ABCC1: variants seen among roughly 807,000 people sequenced by gnomAD.
ABCC1 encodes ATP binding cassette subfamily C member 1 (ABCC1 blood group).
A neutral mutation model predicts 172.9 loss-of-function variants in ABCC1; 83 were observed. That is an observed-to-expected ratio of 0.48 (90% CI 0.40 to 0.58). The LOEUF (loss-of-function observed/expected upper bound fraction) is 0.58, where lower values mean the gene tolerates loss of function less well. ABCC1 is among the 20% of genes least tolerant of loss of function. The pLI is 0.00. For synonymous variants in ABCC1, 937 were observed against 825.2 expected, an observed-to-expected ratio of 1.14 and a Z score of -2.32; for missense variants, 1,817 against 2,002.7, an observed-to-expected ratio of 0.91 and a Z score of 1.77.
chr16:16,130,877 C>CTT (rs2045647866), intron 26 of ABCC1, among the ~76,000 whole-genome samples: 1 of 152,174 alleles, frequency 6.6e-6, no homozygotes, highest in East Asian at 1.9e-4. Flanking sequence ...AATCCCAGCA[C>CTT]TTTGGGAGGT....
At position 15,990,739 on chromosome 16, in the gene ABCC1, T is replaced by A. The variant is rs959341573; in HGVS notation, c.49-17077T>A. 4.6e-5 allele frequency among the ~76,000 whole-genome samples: 7 copies of A among 151,512 alleles called. 1 individual carries two copies. The highest frequency in any genetic ancestry group is 1.0e-4 in the Non-Finnish European group (7 of 67,942). On this transcript the variant is annotated intron_variant, in intron 1 of 30. Transcript: ENST00000399410. Reference sequence around the variant, plus strand: ...ATCTCGGCTCACTGCAAGCTCCGCCTCCTGGGTTCACGCCATCCTCCTGCC... The same window carrying A: ...ATCTCGGCTCACTGCAAGCTCCGCCACCTGGGTTCACGCCATCCTCCTGCC...
chr16:16,055,827 C>T (rs1231418702), intron 11 of ABCC1, among the ~76,000 whole-genome samples: 3 of 151,006 alleles, frequency 2.0e-5, no homozygotes, highest in Non-Finnish European at 4.4e-5. Context: ...GCTCTCCCAC[C>T]CTCAGGAGGC....
At chr16:16,111,304 G>C (rs4238623) in intron 21 of ABCC1, 71 bp from the exon 22 acceptor site, 1 of 1,330,552 alleles carries the variant, frequency 7.5e-7, no homozygotes, top group Non-Finnish European at 1.1e-6. Flanking sequence ...TGAAGCCCCC[G>C]ACCTTGTGGG....
chr16:16,112,251 A>T (rs1447400499), intron 22 of ABCC1, among the ~76,000 whole-genome samples: 2 of 152,062 alleles, frequency 1.3e-5, no homozygotes, highest in South Asian at 2.1e-4. Context: ...GGTCTCAGCT[A>T]CTTGGGCAGC....
chr16:16,073,845 A>G (rs1467758050), intron 14 of ABCC1, among the ~76,000 whole-genome samples: 4 of 152,228 alleles, frequency 2.6e-5, no homozygotes, highest in Non-Finnish European at 5.9e-5. Context: ...ATTCAAACCC[A>G]TACAGTCTGG....
chr16:16,131,506 C>T (rs375870856), intron 26 of ABCC1, among the ~76,000 whole-genome samples: 57 of 152,240 alleles, frequency 3.7e-4, no homozygotes, highest in Middle Eastern at 6.8e-3. Flanking sequence ...CTCAAGCATG[C>T]GAGCCCCAAG....
Position 16,134,384 on chromosome 16 carries a change from C to A in ABCC1, c.4001C>A (p.Ser1334Ter). ...GIVGRTGAGK[S>*]SLTLGLFRIN... ...GTGGGGCGGACGGGAGCTGGGAAGT[C>A]GTCCCTGACCCTGGGCTTATTTCGG... Residue 1334 changes from serine to a stop codon, truncating the protein, a stop_gained, in exon 28 of 31, where the codon TCG becomes TAG. Transcript: ENST00000399410. LOFTEE classifies it high-confidence loss of function. 1 of 1,614,104 alleles carries A rather than the reference C, an allele frequency of 6.2e-7. No homozygotes were observed. The highest frequency in any genetic ancestry group is 8.5e-7 in the Non-Finnish European group (1 of 1,180,022).
rs536456564 is a variant in ABCC1 at position 16,017,880 on chromosome 16, C to A, written c.615+1259C>A. 7.0e-4 allele frequency among the ~76,000 whole-genome samples: 107 copies of A among 152,054 alleles called. 1 individual carries two copies. The highest frequency in any genetic ancestry group is 2.2e-3 in the African/African-American group (93 of 41,472). ...ACACCTAGAGGAAGAGTGTTCCAGG[C>A]AGAGGGGAATAAGTACAAGGGCCCT... On this transcript the variant is annotated intron_variant, in intron 5 of 30. Transcript: ENST00000399410.
At chr16:16,102,373 C>G (rs1005864049) in intron 19 of ABCC1, among the ~76,000 whole-genome samples, 6 of 152,194 alleles carry the variant, frequency 3.9e-5, no homozygotes, top group Non-Finnish European at 7.4e-5. Flanking sequence ...AGGCCCAGTG[C>G]CCTCAGTGGA....
At position 16,009,723 on chromosome 16, in the gene ABCC1, G is replaced by A. The variant is rs913145430; in HGVS notation, c.226-53G>A. 7.3e-6 allele frequency: 11 copies of A among 1,514,076 alleles called. No individual in the cohort carries two copies. In the African/African-American group the frequency reaches 1.4e-4, roughly 20 times the overall value. 93.8% of individuals were successfully genotyped at this position (1,514,076 alleles called of 1,614,324 possible). ...GGGCTGAGCTGTTCGTGCAGGCCCT[G>A]GGGGAGGTTCCAGGGCGGTCTGTTG... On this transcript the variant is annotated intron_variant, in intron 2 of 30. Coordinates refer to ENST00000399410, the MANE Select transcript of ABCC1 (RefSeq NM_004996.4).
At chr16:15,980,474 G>A (rs112244318) in intron 1 of ABCC1, among the ~76,000 whole-genome samples, 3,419 of 152,210 alleles carry the variant, frequency 0.022, 152 homozygotes, top group African/African-American at 0.078. Context: ...AGAAAGGGAA[G>A]CAAACATGTC....
intron 20 of ABCC1, among the ~76,000 whole-genome samples, chr16:16,106,189 C>A (rs1228332639): frequency 6.6e-6 from 1 of 151,982 alleles, no homozygotes; most frequent in East Asian, 1.9e-4. Context: ...ATAATGCTTT[C>A]TGAGTAACAC....
rs147813685 is a variant in ABCC1, at chr16:16,045,816, C to A, written c.1041-20C>A. 5.0e-5 allele frequency: 80 copies of A among 1,612,502 alleles called. No individual in the cohort carries two copies. In the African/African-American group the frequency reaches 8.5e-4, roughly 17 times the overall value. On this transcript the variant is annotated intron_variant, in intron 8 of 30. Coordinates refer to ENST00000399410, the MANE Select transcript of ABCC1 (RefSeq NM_004996.4). ...CACGTGTCACAAGTCATTCCAGGCC[C>A]TCTCTTTGCTCCTTTGCAGGTTGCT...
intron 5 of ABCC1, among the ~76,000 whole-genome samples, chr16:16,017,192 A>G (rs1158476897): frequency 6.6e-6 from 1 of 152,172 alleles, no homozygotes; most frequent in Non-Finnish European, 1.5e-5. Flanking sequence ...CGTTTCTGCT[A>G]GTAGAACAAA....
intron 18 of ABCC1, 72 bp from the exon 19 acceptor site, chr16:16,090,333 G>A: frequency 6.9e-7 from 1 of 1,448,504 alleles, no homozygotes; most frequent in East Asian, 2.5e-5. Context: ...TCCTCCTTTA[G>A]TCTTCACTCT....
intron 26 of ABCC1, among the ~76,000 whole-genome samples, chr16:16,130,977 T>G (rs1356287773): frequency 2.0e-5 from 3 of 151,906 alleles, no homozygotes; most frequent in Non-Finnish European, 4.4e-5. Context: ...AAAAATTAGC[T>G]GGGTGTGGTG....
At chr16:16,056,065 A>T (rs1413451934) in intron 11 of ABCC1, 27 bp from the exon 12 acceptor site, 10 of 1,610,908 alleles carry the variant, frequency 6.2e-6, no homozygotes, top group Non-Finnish European at 8.5e-6. Context: ...GTCGCCCCAG[A>T]TGTGTTGACT....
At chr16:15,991,080 G>C (rs1386654899) in intron 1 of ABCC1, among the ~76,000 whole-genome samples, 1 of 152,122 alleles carries the variant, frequency 6.6e-6, no homozygotes, top group East Asian at 1.9e-4. Context: ...TGCTGTGAGT[G>C]ACGCTCCAGT....
At chr16:16,008,734 T>C (rs1183435468) in intron 2 of ABCC1, among the ~76,000 whole-genome samples, 1 of 150,976 alleles carries the variant, frequency 6.6e-6, no homozygotes, top group African/African-American at 2.4e-5. Context: ...TCTTAGCAAC[T>C]TGGGAGGCTG....
Sources: allele counts gnomAD v4.1 joint callset (sites outside exome capture counted in the v4.1 genomes callset), GRCh38; gene constraint gnomAD v4.1.1; transcripts MANE v1.5; gene names NCBI Gene and HGNC (gene_info 2026-07-23, HGNC 2026-07-21).